Variants in VCL observed in about 807,000 individuals in gnomAD.
VCL encodes the protein epididymis luminal protein 114.
VCL carries 47 observed loss-of-function variants against 125.7 expected under a neutral mutation model. That is an observed-to-expected ratio of 0.37 (90% confidence interval 0.30 to 0.48). The LOEUF (loss-of-function observed/expected upper bound fraction) is 0.48. Ranked by LOEUF, VCL falls within the 20% of genes least tolerant of loss-of-function variation. The pLI is 0.99. For synonymous variants in VCL, 458 were observed against 514.6 expected (o/e 0.89, Z 1.49); for missense variants, 1,069 against 1,455.5 (o/e 0.73, Z 4.32).
chr10:74,090,241 C>T (rs1261552698), intron 10 of VCL, 43 bp downstream of exon 10: 1 of 1,603,150 alleles, frequency 6.2e-7, no homozygotes, highest in Non-Finnish European at 8.5e-7. Flanking sequence ...ATCTTTTCTT[C>T]TCTTTCTCTC....
chr10:74,083,471 T>C lies in VCL; in HGVS notation c.980T>C (p.Met327Thr). The change falls in exon 8 of 22, where the codon ATG becomes ACG. Residue 327 changes from methionine (M) to threonine (T), a missense_variant. Around this residue, in one of 6 missense-constraint regions of VCL, gnomAD observed 760 missense variants for 928.9 expected, o/e 0.82. Coordinates refer to ENST00000211998, the MANE Select transcript of VCL (RefSeq NM_014000.3). ...AGGGAGATTCTGGGAACTTGCAAAA[T>C]GCTAGGGCAGATGACTGATCAAGTG... ...ERREILGTCK[M>T]LGQMTDQVAD... 1.2e-6 allele frequency: 2 copies of C among 1,614,040 alleles called. No individual in the cohort carries two copies. The highest frequency in any genetic ancestry group is 2.7e-5 in the African/African-American group (2 of 75,022).
At chr10:74,054,545 C>T (rs995110581) in intron 2 of VCL, among the ~76,000 whole-genome samples, 2 of 152,174 alleles carry the variant, frequency 1.3e-5, no homozygotes, top group Non-Finnish European at 2.9e-5. Context: ...TAGGTTGCCA[C>T]GCCTGTAACT....
At chr10:74,006,632 T>C (rs758780066) in intron 1 of VCL, among the ~76,000 whole-genome samples, 2 of 152,218 alleles carry the variant, frequency 1.3e-5, no homozygotes, top group Non-Finnish European at 2.9e-5. Flanking sequence ...AGTATTGACG[T>C]GATGCCACTT....
chr10:74,094,465 A>G lies in VCL; in HGVS notation c.1543+4A>G, dbSNP rs747944328. 10 of 1,612,792 alleles carry G rather than the reference A, an allele frequency of 6.2e-6. No homozygotes were observed. Among genetic ancestry groups the G allele is most frequent in the East Asian group, 2.2e-5 (1 of 44,872 alleles). On this transcript the variant is annotated splice_donor_region_variant and intron_variant, in intron 11 of 21. Coordinates refer to ENST00000211998, the MANE Select transcript of VCL (RefSeq NM_014000.3). The stretch of plus-strand genomic sequence containing the variant: ...ACAGTGGATGACCGTGGAGTCGGTA[A>G]GGGCAGCAGTGCACTATAACCTCAT...
At chr10:74,114,634 T>C (rs1277786525) in intron 20 of VCL, among the ~76,000 whole-genome samples, 161 bp from the exon 21 acceptor site, 3 of 151,622 alleles carry the variant, frequency 2.0e-5, no homozygotes, top group African/African-American at 7.3e-5. Context: ...AAATGGATTG[T>C]ACTGACCCTA....
chr10:74,086,909 T>C (rs1245192694), intron 8 of VCL, among the ~76,000 whole-genome samples: 1 of 152,198 alleles, frequency 6.6e-6, no homozygotes, highest in East Asian at 1.9e-4. Flanking sequence ...TCTAGGTTGC[T>C]AGTATATATT....
At chr10:74,034,816 A>G (rs981296289) in intron 1 of VCL, among the ~76,000 whole-genome samples, 5 of 152,278 alleles carry the variant, frequency 3.3e-5, no homozygotes, top group Admixed American at 6.5e-5. Flanking sequence ...GTTCATCACC[A>G]CCCCAGAAAA....
In VCL at chr10:74,105,047, A is replaced by G. The variant is rs1158004282; in HGVS notation, c.2132-4A>G. On this transcript the variant is annotated splice_polypyrimidine_tract_variant and splice_region_variant and intron_variant, in intron 15 of 21. Coordinates refer to ENST00000211998, the MANE Select transcript of VCL (RefSeq NM_014000.3). ...ACTAAATTCCATTTCTGTTTTCCTA[A>G]CAGGGCTGGTGGACGAAGCCATTGA... 1 of 1,614,152 alleles carries G rather than the reference A, an allele frequency of 6.2e-7. No individual in the cohort carries two copies.
chr10:74,113,526 A>T (rs946299590), intron 19 of VCL, among the ~76,000 whole-genome samples: 2 of 152,118 alleles, frequency 1.3e-5, no homozygotes, highest in Non-Finnish European at 2.9e-5. Context: ...GGCTGACAGG[A>T]CAAATAAGAG....
chr10:74,047,382 T>C (rs1841212023), intron 2 of VCL, among the ~76,000 whole-genome samples: 1 of 152,074 alleles, frequency 6.6e-6, no homozygotes, highest in African/African-American at 2.4e-5. Flanking sequence ...AAGCAGAAAA[T>C]AGTAGATGCC....
chr10:74,035,256 C>G (rs1270744508), intron 1 of VCL, among the ~76,000 whole-genome samples: 2 of 139,850 alleles, frequency 1.4e-5, no homozygotes, highest in Non-Finnish European at 3.1e-5. Flanking sequence ...TTTTTTCTTT[C>G]TTTTTTTTTT....
chr10:74,021,614 A>G (rs1003352451), intron 1 of VCL, among the ~76,000 whole-genome samples: 2 of 152,246 alleles, frequency 1.3e-5, no homozygotes, highest in South Asian at 2.1e-4. Context: ...CCACATTTCA[A>G]CTGACATATA....
intron 2 of VCL, among the ~76,000 whole-genome samples, chr10:74,064,045 G>A (rs1564521417): frequency 6.6e-6 from 1 of 152,088 alleles, no homozygotes. Flanking sequence ...ACAAGTATTG[G>A]GTGCCTGGTA....
chr10:74,080,045 A>T (rs962846345), intron 6 of VCL, among the ~76,000 whole-genome samples: 1 of 152,188 alleles, frequency 6.6e-6, no homozygotes, highest in Non-Finnish European at 1.5e-5. Flanking sequence ...TCCTTGCAGT[A>T]CTGGCCATTA....
At chr10:74,086,340 A>G (rs913630440) in intron 8 of VCL, among the ~76,000 whole-genome samples, 1 of 152,232 alleles carries the variant, frequency 6.6e-6, no homozygotes, top group African/African-American at 2.4e-5. Flanking sequence ...AAGCTCCAGG[A>G]CTTTCAGGTT....
chr10:74,080,121 TC>T (rs1839653661), intron 6 of VCL, among the ~76,000 whole-genome samples: 1 of 152,162 alleles, frequency 6.6e-6, no homozygotes, highest in Non-Finnish European at 1.5e-5. Context: ...AACTATTTTT[TC>T]CATTGTGTTT....
At chr10:74,059,356 G>A (rs1164160347) in intron 2 of VCL, among the ~76,000 whole-genome samples, 8 of 143,236 alleles carry the variant, frequency 5.6e-5, no homozygotes, top group South Asian at 2.2e-4. Flanking sequence ...ACTCCACTTC[G>A]AAAGAAAAAA....
rs1457065429 is a variant in VCL at position 74,095,771 on chromosome 10, C to T, written c.1659C>T (p.Ala553=). 6.2e-7 allele frequency: 1 copy of T among 1,614,176 alleles called. No homozygotes were observed. Among genetic ancestry groups the T allele is most frequent in the Admixed American group, 1.7e-5 (1 of 60,014 alleles). ...AKCDRVDQLT[A]QLADLAARGE... ...GTGACCGAGTGGACCAGCTGACAGC[C>T]CAGCTGGCTGACCTGGCTGCCAGAG... The change falls in exon 12 of 22, where the codon GCC becomes GCT. Residue 553 remains alanine (A), a synonymous_variant. Coordinates refer to ENST00000211998, the MANE Select transcript of VCL (RefSeq NM_014000.3).
intron 2 of VCL, among the ~76,000 whole-genome samples, chr10:74,059,968 G>A (rs1426883384): frequency 1.3e-5 from 2 of 152,084 alleles, no homozygotes; most frequent in Non-Finnish European, 2.9e-5. Context: ...TTCAAGACCA[G>A]TCTGGACAAC....
Sources: gnomAD v4.1 joint callset for allele counts (sites outside exome capture counted in the v4.1 genomes callset) on GRCh38, gnomAD v4.1.1 for gene constraint, gnomAD v4.1.1 regional missense constraint, MANE v1.5 for transcripts, NCBI Gene and HGNC (gene_info 2026-07-23, HGNC 2026-07-21) for gene names.